FAM114A1: variants seen among roughly 807,000 people sequenced by gnomAD.
The protein encoded by FAM114A1 is protein NOXP20.
In FAM114A1, 62 loss-of-function variants were observed where a neutral mutation model predicts 64.3. The ratio of observed to expected loss-of-function variants is 0.96; its 90% CI spans 0.79 to 1.19. The LOEUF is 1.19. FAM114A1 is among the 50% of genes most tolerant of loss of function. The pLI is 0.00. For synonymous variants in FAM114A1, 254 were observed against 251.1 expected (o/e 1.01, Z -0.11); for missense variants, 645 against 676.3 (o/e 0.95, Z 0.51).
At chr4:38,890,449 G>C (rs1038722030) in intron 3 of FAM114A1, among the ~76,000 whole-genome samples, 2 of 151,436 alleles carry the variant, frequency 1.3e-5, no homozygotes, top group Non-Finnish European at 2.9e-5. Flanking sequence ...AGTTGGGGAT[G>C]ACTAATGGAC....
At position 38,905,820 on chromosome 4, in the gene FAM114A1, C is replaced by T. The variant is rs139789863; in HGVS notation, c.616C>T (p.Arg206Trp). ...ACCCACTTCCCCTTCATCAGCCTCT[C>T]GGGGTATGCTGTCTGCCATCACCAA... ...SPPTSPSSAS[R>W]GMLSAITNVV... The change falls in exon 6 of 15, where the codon CGG (arginine) becomes TGG (tryptophan). Residue 206 changes from arginine to tryptophan, a missense_variant. Arg to Trp is a moderately radical substitution (Grantham distance 101). Transcript: ENST00000358869. The T allele has an allele frequency of 1.1e-4, 170 of 1,614,040 alleles. No homozygotes were observed. The highest frequency in any genetic ancestry group is 4.5e-4 in the Admixed American group (27 of 59,988).
chr4:38,888,494 C>G (rs1294418105), intron 3 of FAM114A1, among the ~76,000 whole-genome samples: 1 of 152,152 alleles, frequency 6.6e-6, no homozygotes, highest in Non-Finnish European at 1.5e-5. Context: ...CACACTCCAG[C>G]TTGGGCAACA....
At chr4:38,922,692 A>C in intron 8 of FAM114A1, 78 bp from the exon 9 acceptor site, 1 of 1,514,526 alleles carries the variant, frequency 6.6e-7, no homozygotes, top group Non-Finnish European at 8.8e-7. Flanking sequence ...TGTCCTGGGA[A>C]AACTGGGGAC....
At chr4:38,887,329 A>G (rs1487693491) in intron 3 of FAM114A1, among the ~76,000 whole-genome samples, 2 of 152,228 alleles carry the variant, frequency 1.3e-5, no homozygotes, top group East Asian at 3.8e-4. Flanking sequence ...AGTCACTTTC[A>G]AGGTACTTTT....
intron 8 of FAM114A1, among the ~76,000 whole-genome samples, chr4:38,916,021 C>A (rs746529467): frequency 3.0e-4 from 46 of 152,142 alleles, no homozygotes; most frequent in Admixed American, 5.9e-4. Context: ...ACAAGAAGCT[C>A]AATTTGGCAG....
intron 8 of FAM114A1, among the ~76,000 whole-genome samples, chr4:38,920,492 G>A (rs950441540): frequency 1.3e-5 from 2 of 152,142 alleles, no homozygotes; most frequent in Admixed American, 1.3e-4. Flanking sequence ...AATGAGCTAG[G>A]AGAAAGCAGG....
chr4:38,922,917 C>T, intron 9 of FAM114A1, 24 bp downstream of exon 9: 1 of 1,595,952 alleles, frequency 6.3e-7, no homozygotes, highest in South Asian at 1.1e-5. Flanking sequence ...ACTTAAATAG[C>T]AAGACAAACT....
chr4:38,888,284 A>G (rs1388698996), intron 3 of FAM114A1, among the ~76,000 whole-genome samples: 1 of 152,002 alleles, frequency 6.6e-6, no homozygotes, highest in Non-Finnish European at 1.5e-5. Context: ...TCGAGAGACC[A>G]AGATAGAAGG....
At chr4:38,924,992 A>G (rs536184078) in intron 9 of FAM114A1, among the ~76,000 whole-genome samples, 2 of 152,354 alleles carry the variant, frequency 1.3e-5, no homozygotes, top group East Asian at 1.9e-4. Flanking sequence ...TGCATCCCCA[A>G]CTGGTGCTAT....
At chr4:38,890,031 T>G (rs1356450036) in intron 3 of FAM114A1, among the ~76,000 whole-genome samples, 4 of 151,746 alleles carry the variant, frequency 2.6e-5, no homozygotes, top group African/African-American at 9.7e-5. Flanking sequence ...TAATGTATCA[T>G]GAAAGCAAAA....
intron 4 of FAM114A1, among the ~76,000 whole-genome samples, chr4:38,901,574 G>A (rs949218157): frequency 6.6e-6 from 1 of 152,216 alleles, no homozygotes; most frequent in African/African-American, 2.4e-5. Flanking sequence ...TTACAGGCAT[G>A]AGCCACCATG....
chr4:38,933,038 G>C (rs1001473580), intron 12 of FAM114A1, among the ~76,000 whole-genome samples: 1 of 152,010 alleles, frequency 6.6e-6, no homozygotes, highest in Non-Finnish European at 1.5e-5. Flanking sequence ...ATTTTTAGTA[G>C]AGACGGGTTT....
chr4:38,879,714 G>A (rs1403250202), intron 3 of FAM114A1, among the ~76,000 whole-genome samples: 2 of 138,672 alleles, frequency 1.4e-5, no homozygotes, highest in African/African-American at 5.4e-5. Context: ...GAATCAGATA[G>A]GGTAAACATA....
At chr4:38,871,617 A>G (rs752117000) in intron 2 of FAM114A1, among the ~76,000 whole-genome samples, 1 of 152,180 alleles carries the variant, frequency 6.6e-6, no homozygotes, top group Non-Finnish European at 1.5e-5. Flanking sequence ...GAACAGCCAC[A>G]GAGAGGAGTT....
At chr4:38,895,119 G>C (rs544295947) in intron 4 of FAM114A1, among the ~76,000 whole-genome samples, 21 of 152,298 alleles carry the variant, frequency 1.4e-4, no homozygotes, top group African/African-American at 4.8e-4. Flanking sequence ...TGGAGGATAG[G>C]GTGGTGCAGC....
intron 2 of FAM114A1, among the ~76,000 whole-genome samples, chr4:38,869,567 AAAT>A (rs1713812031): frequency 6.6e-6 from 1 of 152,178 alleles, no homozygotes; most frequent in African/African-American, 2.4e-5. Flanking sequence ...ATAGGTCCAA[AAAT>A]GCCTGGCAGC....
In FAM114A1 at chr4:38,906,997, G is replaced by A. The variant is rs188159527; in HGVS notation, c.657+1136G>A. ...TGGATATATGCTGGCAAACAAGAGG[G>A]CACAATATCCCAGAGGACTGAGGCG... On this transcript the variant is annotated intron_variant, in intron 6 of 14. Coordinates refer to ENST00000358869, the MANE Select transcript of FAM114A1 (RefSeq NM_138389.4). Among the ~76,000 whole-genome samples the A allele has an allele frequency of 2.4e-4, 37 of 152,262 alleles. No homozygotes were observed. The East Asian group carries it at 3.9e-3, about 16-fold the overall frequency.
At chr4:38,912,196 A>G (rs901079007) in intron 7 of FAM114A1, among the ~76,000 whole-genome samples, 3 of 151,912 alleles carry the variant, frequency 2.0e-5, no homozygotes, top group African/African-American at 7.3e-5. Flanking sequence ...ACACGGGGAC[A>G]GGGGGTCCTT....
intron 10 of FAM114A1, among the ~76,000 whole-genome samples, 193 bp from the exon 11 acceptor site, chr4:38,931,258 C>A (rs952267729): frequency 5.3e-5 from 8 of 152,056 alleles, no homozygotes; most frequent in Admixed American, 3.3e-4. Flanking sequence ...TCCCTCTTTT[C>A]TACTTTATAT....
Sources: gnomAD v4.1 joint callset for allele counts (sites outside exome capture counted in the v4.1 genomes callset) on GRCh38, gnomAD v4.1.1 for gene constraint, MANE v1.5 for transcripts, NCBI Gene and HGNC (gene_info 2026-07-23, HGNC 2026-07-21) for gene names.